Variants in SHISA9 observed in about 807,000 individuals in gnomAD.
SHISA9 encodes shisa family member 9, also known as protein shisa-9.
SHISA9 carries 13 observed loss-of-function variants against 38.0 expected under a neutral mutation model. That is an observed-to-expected ratio of 0.34 (90% CI 0.22 to 0.54). SHISA9 has a LOEUF of 0.54. Among genes scored for constraint, SHISA9 ranks in the 20% least tolerant of loss-of-function variants. The probability of loss-of-function intolerance (pLI) is 0.91; values close to 1 mark genes in which losing one functional copy is unlikely to be tolerated. For synonymous variants in SHISA9, 275 were observed against 242.0 expected (o/e 1.14, Z -1.27); for missense variants, 538 against 575.8 (o/e 0.93, Z 0.67).
At chr16:13,355,998 C>T in the SHISA9 span, among the ~76,000 whole-genome samples, 1 of 152,202 alleles carries the variant, frequency 6.6e-6, no homozygotes, top group Admixed American at 6.5e-5. Flanking sequence ...GCGGGCATTC[C>T]TTGGCCCAGT....
the SHISA9 span, among the ~76,000 whole-genome samples, chr16:13,421,956 G>GTGA: frequency 6.6e-6 from 1 of 152,214 alleles, no homozygotes; most frequent in Non-Finnish European, 1.5e-5. Context: ...TGCCCATGTG[G>GTGA]TGATCTAAGC....
chr16:12,976,824 G>A (rs2072169096), intron 2 of SHISA9, among the ~76,000 whole-genome samples: 1 of 152,120 alleles, frequency 6.6e-6, no homozygotes, highest in Non-Finnish European at 1.5e-5. Context: ...CCAAGCAGAG[G>A]AAATGAAACA....
the SHISA9 span, among the ~76,000 whole-genome samples, chr16:13,466,425 TACA>T: frequency 6.6e-6 from 1 of 152,178 alleles, no homozygotes; most frequent in African/African-American, 2.4e-5. Context: ...AGTGAAAAAC[TACA>T]ACATCTCAAT....
chr16:13,213,423 C>T (rs1367150986), intron 4 of SHISA9, 123 bp downstream of exon 4: 2 of 835,720 alleles, frequency 2.4e-6, no homozygotes, highest in African/African-American at 1.7e-5. Context: ...CATAGGGTGG[C>T]ATCTGCAAGT....
At chr16:12,992,159 A>G (rs2072395150) in intron 2 of SHISA9, among the ~76,000 whole-genome samples, 1 of 152,172 alleles carries the variant, frequency 6.6e-6, no homozygotes, top group Admixed American at 6.6e-5. Context: ...TTTAACGCTG[A>G]TAAGTTTGAG....
downstream of SHISA9, among the ~76,000 whole-genome samples, chr16:13,242,456 G>C (rs2051442350): frequency 6.6e-6 from 1 of 152,198 alleles, no homozygotes; most frequent in African/African-American, 2.4e-5. Context: ...TCCAACATCT[G>C]TGGGATCATC....
the SHISA9 span, among the ~76,000 whole-genome samples, chr16:13,407,117 C>G: frequency 0.014 from 1,970 of 144,420 alleles, 44 homozygotes; most frequent in African/African-American, 0.048. Context: ...TTGGGCTGCT[C>G]TAGTCTATTC....
At chr16:13,204,206 G>A (rs867392154) in intron 3 of SHISA9, among the ~76,000 whole-genome samples, 38 of 138,148 alleles carry the variant, frequency 2.8e-4, no homozygotes, top group African/African-American at 9.2e-4. Flanking sequence ...TTATCTGTCT[G>A]TCTGTCTATC....
intron 2 of SHISA9, among the ~76,000 whole-genome samples, chr16:13,145,192 TG>T (rs1230464089): frequency 1.3e-5 from 2 of 152,152 alleles, no homozygotes; most frequent in African/African-American, 4.8e-5. Context: ...AGTCCATTTT[TG>T]AAACCAGCCC....
At chr16:13,069,332 G>T (rs571037599) in intron 2 of SHISA9, among the ~76,000 whole-genome samples, 220 of 151,458 alleles carry the variant, frequency 1.5e-3, no homozygotes, top group South Asian at 2.5e-3. Flanking sequence ...CACAATGTAC[G>T]CATGCATATG....
chr16:13,213,153 C>G, intron 3 of SHISA9, 100 bp from the exon 4 acceptor site: 1 of 1,025,044 alleles, frequency 9.8e-7, no homozygotes, highest in Admixed American at 2.1e-5. Context: ...TGCTTGGAGG[C>G]TGCAGCAGGG....
At chr16:13,102,901 AT>A (rs1463804285) in intron 2 of SHISA9, among the ~76,000 whole-genome samples, 2 of 152,206 alleles carry the variant, frequency 1.3e-5, no homozygotes, top group Non-Finnish European at 2.9e-5. Context: ...CAGACTTTTC[AT>A]TCAGAAGGGA....
the SHISA9 span, among the ~76,000 whole-genome samples, chr16:13,494,070 C>G: frequency 6.6e-6 from 1 of 152,114 alleles, no homozygotes; most frequent in African/African-American, 2.4e-5. Context: ...GATGTGAGAA[C>G]TGAAGCGGGA....
the SHISA9 span, among the ~76,000 whole-genome samples, chr16:13,505,130 TATGGTTATCTGA>T: frequency 6.6e-6 from 1 of 152,220 alleles, no homozygotes; most frequent in Admixed American, 6.5e-5. Flanking sequence ...CAAATTCCAG[TATGGTTATCTGA>T]AAAAGACCAA....
At chr16:13,247,968 T>C in the SHISA9 span, among the ~76,000 whole-genome samples, 1 of 152,242 alleles carries the variant, frequency 6.6e-6, no homozygotes, top group African/African-American at 2.4e-5. Context: ...TTTCTGGTAA[T>C]TTGAAGCTGT....
chr16:12,928,379 G>T (rs1280066626), intron 2 of SHISA9, among the ~76,000 whole-genome samples: 1 of 151,866 alleles, frequency 6.6e-6, no homozygotes, highest in African/African-American at 2.4e-5. Context: ...ACCATCCATT[G>T]TCTGCATTTT....
rs556852199 is a variant in SHISA9 at position 12,979,133 on chromosome 16, A to G, written c.691+62318A>G. On this transcript the variant is annotated intron_variant, in intron 2 of 4. Coordinates refer to ENST00000558583, the MANE Select transcript of SHISA9 (RefSeq NM_001145204.3). ...CACCACCCTCTCCTTGATTGTTCCC[A>G]TCGCTCCTGCCTTCAGCAATTCTTG... Among the ~76,000 whole-genome samples the G allele has an allele frequency of 4.6e-5, 7 of 152,240 alleles. No homozygotes were observed. The South Asian group carries it at 1.2e-3, about 27-fold the overall frequency.
At chr16:13,442,070 C>CAGT in the SHISA9 span, among the ~76,000 whole-genome samples, 2 of 152,206 alleles carry the variant, frequency 1.3e-5, no homozygotes, top group African/African-American at 4.8e-5. Flanking sequence ...AAGAAGCAGC[C>CAGT]AGTAGTTAGC....
intron 2 of SHISA9, among the ~76,000 whole-genome samples, chr16:13,087,705 C>T (rs907567166): frequency 6.6e-6 from 1 of 152,068 alleles, no homozygotes; most frequent in South Asian, 2.1e-4. Context: ...TGTTTGAGTT[C>T]TTTGTAGATT....
Sources: gnomAD v4.1 joint callset for allele counts (sites outside exome capture counted in the v4.1 genomes callset) on GRCh38, gnomAD v4.1.1 for gene constraint, MANE v1.5 for transcripts, NCBI Gene and HGNC (gene_info 2026-07-23, HGNC 2026-07-21) for gene names.